The following RBX1 variants were observed in gnomAD, a reference collection of about 807,000 sequenced individuals.
The protein encoded by RBX1 is ring-box 1.
For missense variants in RBX1, 46 were observed against 141.4 expected, an observed-to-expected ratio of 0.33 and a Z score of 3.42; for synonymous variants, 48 against 47.9, an observed-to-expected ratio of 1.00 and a Z score of -0.01.
chr22:40,955,504 G>A (rs1174677430), intron 2 of RBX1, among the ~76,000 whole-genome samples: 1 of 149,994 alleles, frequency 6.7e-6, no homozygotes, highest in African/African-American at 2.5e-5. Flanking sequence ...ACTTCAACAT[G>A]TAATTGATGT....
rs562007870 is a variant in RBX1 at position 40,955,343 on chromosome 22, C to T, written c.157+1710C>T. On this transcript the variant is annotated intron_variant, in intron 2 of 4. Coordinates refer to ENST00000216225, the MANE Select transcript of RBX1 (RefSeq NM_014248.4). The stretch of plus-strand genomic sequence containing the variant: ...TCTCGAACTGGCTTCAAGTGATCCT[C>T]CCACTTTGGCCTTCCAAAATGTTGC... Among the ~76,000 whole-genome samples the T allele has an allele frequency of 4.0e-5, 6 of 150,980 alleles. No homozygotes were observed. The South Asian group carries it at 1.3e-3, about 31-fold the overall frequency.
chr22:40,965,732 G>A (rs974452700), intron 3 of RBX1, among the ~76,000 whole-genome samples: 4 of 152,152 alleles, frequency 2.6e-5, no homozygotes, highest in African/African-American at 4.8e-5. Context: ...GTGAGCCACC[G>A]TGCCCAGCCC....
At position 40,953,569 on chromosome 22, in the gene RBX1, C is replaced by A; in HGVS notation, c.93C>A (p.Ala31=). 1 of 1,610,022 alleles carries A rather than the reference C, an allele frequency of 6.2e-7. No homozygotes were observed. Among genetic ancestry groups the A allele is most frequent in the South Asian group, 1.1e-5 (1 of 90,938 alleles). Residue 31 remains alanine (A), a synonymous_variant, in exon 2 of 5, where the codon GCC becomes GCA. Coordinates refer to ENST00000216225, the MANE Select transcript of RBX1 (RefSeq NM_014248.4). Reference sequence around the variant, plus strand: ...TGTCTTTGCAGTGGAATGCAGTAGCCCTCTGGGCCTGGGATATTGTGGTTG... The same window carrying A: ...TGTCTTTGCAGTGGAATGCAGTAGCACTCTGGGCCTGGGATATTGTGGTTG... ...RFEVKKWNAV[A]LWAWDIVVDN...
At chr22:40,955,381 G>C (rs2058322717) in intron 2 of RBX1, among the ~76,000 whole-genome samples, 1 of 150,820 alleles carries the variant, frequency 6.6e-6, no homozygotes, top group Non-Finnish European at 1.5e-5. Flanking sequence ...TTATAGGCGT[G>C]AGCCACTGTG....
intron 2 of RBX1, among the ~76,000 whole-genome samples, chr22:40,958,997 A>G (rs752944784): frequency 1.3e-5 from 2 of 152,120 alleles, no homozygotes; most frequent in Non-Finnish European, 2.9e-5. Flanking sequence ...TATTTTTAGT[A>G]GAAACAGGGT....
intron 3 of RBX1, 148 bp downstream of exon 3, chr22:40,964,265 A>G (rs1372042083): frequency 1.7e-6 from 1 of 597,314 alleles, no homozygotes; most frequent in Non-Finnish European, 3.0e-6. Flanking sequence ...ATTTTAAATC[A>G]TAATACTATT....
At chr22:40,971,208 G>A (rs1415559120) in intron 4 of RBX1, among the ~76,000 whole-genome samples, 1 of 152,162 alleles carries the variant, frequency 6.6e-6, no homozygotes, top group Admixed American at 6.5e-5. Context: ...CTTTGACTCT[G>A]CCACTCTAAC....
At chr22:40,957,668 T>G (rs190112918) in intron 2 of RBX1, among the ~76,000 whole-genome samples, 55 of 152,204 alleles carry the variant, frequency 3.6e-4, no homozygotes, top group Non-Finnish European at 7.2e-4. Context: ...TTTTTTATTT[T>G]TATGTATTTT....
chr22:40,969,251 G>A lies in RBX1; in HGVS notation c.314+1367G>A, dbSNP rs377683142. Among the ~76,000 whole-genome samples the A allele has an allele frequency of 1.4e-4, 22 of 152,240 alleles. No individual in the cohort carries two copies. In the East Asian group the frequency reaches 2.5e-3, roughly 17 times the overall value. ...TACTTGAACCCAGGAGGCGGAGATT[G>A]TGGTGGGCTGAGATCGCACCATCGC... On this transcript the variant is annotated intron_variant, in intron 4 of 4. Coordinates refer to ENST00000216225, the MANE Select transcript of RBX1 (RefSeq NM_014248.4).
chr22:40,964,012 A>G, intron 2 of RBX1, 35 bp from the exon 3 acceptor site: 1 of 1,565,484 alleles, frequency 6.4e-7, no homozygotes, highest in Non-Finnish European at 8.8e-7. Flanking sequence ...TGCTGCTCCC[A>G]AGGTCCAGTG....
chr22:40,961,072 G>C (rs1026661194), intron 2 of RBX1, among the ~76,000 whole-genome samples: 1 of 143,444 alleles, frequency 7.0e-6, no homozygotes, highest in Non-Finnish European at 1.5e-5. Context: ...CCGAGCCACC[G>C]TGCCTGGCCT....
At chr22:40,955,674 C>G (rs1169519676) in intron 2 of RBX1, among the ~76,000 whole-genome samples, 2 of 152,138 alleles carry the variant, frequency 1.3e-5, no homozygotes, top group African/African-American at 4.8e-5. Context: ...TAAGACTAAC[C>G]CATAGTTGAG....
chr22:40,968,588 T>A (rs1429920756), intron 4 of RBX1, among the ~76,000 whole-genome samples: 1 of 152,192 alleles, frequency 6.6e-6, no homozygotes, highest in Non-Finnish European at 1.5e-5. Context: ...TTTATGGCTA[T>A]CCTGATTAGA....
chr22:40,966,827 T>G lies in RBX1; in HGVS notation c.229-972T>G, dbSNP rs866409577. 4.6e-5 allele frequency: 7 copies of G among 152,306 alleles called. No homozygotes were observed. The South Asian group carries it at 1.0e-3, about 23-fold the overall frequency. The allele number at this position is 152,306 out of a possible 1,614,324, so 9.4% of individuals were successfully genotyped here. On this transcript the variant is annotated intron_variant, in intron 3 of 4. Transcript: ENST00000216225. ...AATTTCTGCCCGTGCCCCACCACAG[T>G]GCACCAATCACAGACGAAATGAAGG...
chr22:40,961,843 G>A (rs1022579243), intron 2 of RBX1, among the ~76,000 whole-genome samples: 5 of 151,782 alleles, frequency 3.3e-5, no homozygotes, highest in Admixed American at 6.6e-5. Flanking sequence ...GGAATGCAGT[G>A]GTGTGATCTC....
At chr22:40,971,190 A>G (rs1013825405) in intron 4 of RBX1, among the ~76,000 whole-genome samples, 2 of 152,172 alleles carry the variant, frequency 1.3e-5, no homozygotes, top group African/African-American at 4.8e-5. Flanking sequence ...AGAATTCCTT[A>G]TCTGGGGCTT....
intron 2 of RBX1, among the ~76,000 whole-genome samples, chr22:40,962,063 C>T (rs2058342007): frequency 6.6e-6 from 1 of 151,956 alleles, no homozygotes; most frequent in East Asian, 1.9e-4. Flanking sequence ...GGATTGCAGG[C>T]GTGAGCCACT....
At chr22:40,963,279 T>G (rs1045254296) in intron 2 of RBX1, among the ~76,000 whole-genome samples, 3 of 152,186 alleles carry the variant, frequency 2.0e-5, no homozygotes, top group African/African-American at 7.2e-5. Flanking sequence ...GCATTAGTAA[T>G]TCTTGTTCTG....
chr22:40,951,390 G>T lies in RBX1; in HGVS notation c.-9G>T, dbSNP rs2058309707. ...GCGGTGGTCGGACGACAGACCGTGT[G>T]TTTCCAAAATGGCGGCAGCGATGGA... is the stretch of plus-strand genomic sequence containing the variant. On this transcript the variant is annotated 5_prime_UTR_variant, in exon 1 of 5. Coordinates refer to ENST00000216225, the MANE Select transcript of RBX1 (RefSeq NM_014248.4). 8 of 1,612,724 alleles carry T rather than the reference G, an allele frequency of 5.0e-6. No homozygotes were observed. The highest frequency in any genetic ancestry group is 6.8e-6 in the Non-Finnish European group (8 of 1,179,250).
Sources: allele counts gnomAD v4.1 joint callset (sites outside exome capture counted in the v4.1 genomes callset), GRCh38; gene constraint gnomAD v4.1.1; transcripts MANE v1.5; gene names NCBI Gene and HGNC (gene_info 2026-07-23, HGNC 2026-07-21).